Variants in IWS1 observed in about 807,000 individuals in gnomAD.
IWS1 encodes interacts with SUPT6H, CTD assembly factor 1.
IWS1 carries 27 observed loss-of-function variants against 86.7 expected under a neutral mutation model. That is an observed-to-expected ratio of 0.31 (90% CI 0.23 to 0.43). IWS1 has a LOEUF of 0.43. IWS1 is among the 20% of genes least tolerant of loss of function. The probability of loss-of-function intolerance (pLI) is 1.00; values close to 1 mark genes in which losing one functional copy is unlikely to be tolerated. For missense variants in IWS1, 827 were observed against 1,000.8 expected (o/e 0.83, Z 2.34); for synonymous variants, 313 against 335.1 (o/e 0.93, Z 0.72).
intron 2 of IWS1, among the ~76,000 whole-genome samples, chr2:127,508,106 G>C (rs1351191267): frequency 2.0e-5 from 3 of 152,120 alleles, no homozygotes; most frequent in South Asian, 2.1e-4. Context: ...AGTAATAAAG[G>C]CCTTAAGTGG....
At chr2:127,483,586 T>TGGGGGGGGGGG (rs1558736777) in intron 13 of IWS1, among the ~76,000 whole-genome samples, 3 of 17,110 alleles carry the variant, frequency 1.8e-4, no homozygotes, top group East Asian at 2.4e-3. Context: ...CGGGGGGTGG[T>TGGGGGGGGGGG]GGGGTGGGGG....
Position 127,526,486 on chromosome 2 carries a change from G to T in IWS1, c.-278C>A. The T allele has an allele frequency of 6.6e-7, 1 of 1,517,596 alleles. No individual in the cohort carries two copies. Among genetic ancestry groups the T allele is most frequent in the Non-Finnish European group, 8.9e-7 (1 of 1,127,302 alleles). 94.0% of individuals were successfully genotyped at this position (1,517,596 alleles called of 1,614,324 possible). A position where few individuals can be genotyped will look rare whatever the true frequency, so the allele number is the denominator to read the frequency against. On this transcript the variant is annotated 5_prime_UTR_variant, in exon 1 of 14. Coordinates refer to ENST00000295321, the MANE Select transcript of IWS1 (RefSeq NM_017969.3). ...GAAGCACCGCTGGGGCCAAAATGGC[G>T]TCTGCCCACGACCCTCAAAGGAATG...
intron 3 of IWS1, 31 bp from the exon 4 acceptor site, chr2:127,503,607 A>G: frequency 1.3e-6 from 2 of 1,528,794 alleles, no homozygotes; most frequent in Non-Finnish European, 1.8e-6. Flanking sequence ...CATTAATTTT[A>G]TTTTATCACA....
chr2:127,514,800 C>G (rs578007117), intron 2 of IWS1: 1 of 152,280 alleles, frequency 6.6e-6, no homozygotes, highest in African/African-American at 2.4e-5. Flanking sequence ...ATTCACACAC[C>G]CCTTGCCATT....
chr2:127,481,708 T>C (rs1234011344), intron 13 of IWS1, among the ~76,000 whole-genome samples: 1 of 152,184 alleles, frequency 6.6e-6, no homozygotes, highest in Non-Finnish European at 1.5e-5. Context: ...GGTGAATCCC[T>C]GCTCTAATTC....
At chr2:127,508,944 G>A (rs1208522784) in intron 2 of IWS1, among the ~76,000 whole-genome samples, 1 of 152,206 alleles carries the variant, frequency 6.6e-6, no homozygotes. Flanking sequence ...GACACATGGT[G>A]TAGCATTCCA....
At chr2:127,486,384 T>C (rs1429151114) in intron 13 of IWS1, 169 bp downstream of exon 13, 5 of 547,664 alleles carry the variant, frequency 9.1e-6, no homozygotes, top group Admixed American at 6.0e-5. Flanking sequence ...GGTAATACTT[T>C]TCCTTTCTCT....
intron 13 of IWS1, chr2:127,482,226 C>G (rs1252550940): frequency 6.6e-6 from 1 of 152,196 alleles, no homozygotes; most frequent in African/African-American, 2.4e-5. Context: ...GGGGTCAGTA[C>G]CAGCCTGGTG....
intron 12 of IWS1, among the ~76,000 whole-genome samples, chr2:127,486,994 T>C (rs1689964423): frequency 2.0e-5 from 3 of 152,168 alleles, no homozygotes; most frequent in Non-Finnish European, 1.5e-5. Context: ...TGGAATCCCC[T>C]TTTCTCTTGT....
chr2:127,513,234 G>C (rs1456336817), intron 2 of IWS1, among the ~76,000 whole-genome samples: 1 of 151,280 alleles, frequency 6.6e-6, no homozygotes, highest in African/African-American at 2.5e-5. Context: ...GAGTGAGACT[G>C]TGTCTCAAAA....
chr2:127,492,091 G>A lies in IWS1; in HGVS notation c.1930-3C>T, dbSNP rs376918271. ...GTCTCCTGGCTCACACTAGGCAGCT[G>A]GGGAACATAAACACATACACACATA... On this transcript the variant is annotated splice_polypyrimidine_tract_variant and splice_region_variant and intron_variant, in intron 9 of 13. Transcript: ENST00000295321. 6.9e-6 allele frequency: 11 copies of A among 1,600,284 alleles called. No individual in the cohort carries two copies. Among genetic ancestry groups the A allele is most frequent in the Non-Finnish European group, 9.4e-6 (11 of 1,167,586 alleles).
At chr2:127,490,089 G>A (rs1690145109) in intron 10 of IWS1, 146 bp from the exon 11 acceptor site, 1 of 623,582 alleles carries the variant, frequency 1.6e-6, no homozygotes, top group Non-Finnish European at 2.9e-6. Context: ...TAATTTATAG[G>A]ATAAACAAAG....
At chr2:127,504,521 A>T (rs1179745783) in intron 3 of IWS1, among the ~76,000 whole-genome samples, 163 bp downstream of exon 3, 1 of 152,340 alleles carries the variant, frequency 6.6e-6, no homozygotes, top group African/African-American at 2.4e-5. Context: ...TATTAAGCTT[A>T]GCTAATGATA....
chr2:127,519,659 C>G (rs1042184626), intron 2 of IWS1, among the ~76,000 whole-genome samples: 2 of 152,022 alleles, frequency 1.3e-5, no homozygotes, highest in Non-Finnish European at 2.9e-5. Context: ...TCAAAAATGT[C>G]CACGTTCTAA....
At chr2:127,493,066 C>CT (rs1272433478) in intron 9 of IWS1, 1 of 386,590 alleles carries the variant, frequency 2.6e-6, no homozygotes, top group Non-Finnish European at 4.6e-6. Flanking sequence ...TACAGCTACT[C>CT]TAAGATTTTT....
chr2:127,507,997 A>G (rs1053882751), intron 2 of IWS1, among the ~76,000 whole-genome samples: 1 of 152,244 alleles, frequency 6.6e-6, no homozygotes, highest in Non-Finnish European at 1.5e-5. Context: ...CTCACTCTGT[A>G]TAAGTAAATA....
chr2:127,483,598 GTT>G (rs1191565828), intron 13 of IWS1, among the ~76,000 whole-genome samples: 137 of 21,724 alleles, frequency 6.3e-3, no homozygotes, highest in Non-Finnish European at 7.8e-3. Flanking sequence ...GGGTGGGGGG[GTT>G]GGGCTGTGTG....
intron 2 of IWS1, among the ~76,000 whole-genome samples, chr2:127,521,563 A>G (rs1198528718): frequency 6.6e-6 from 1 of 152,226 alleles, no homozygotes; most frequent in Non-Finnish European, 1.5e-5. Flanking sequence ...CCTACCTTAG[A>G]TGTGCTCCAA....
chr2:127,500,224 A>T (rs1224286513), intron 5 of IWS1, among the ~76,000 whole-genome samples: 2 of 152,354 alleles, frequency 1.3e-5, no homozygotes, highest in Middle Eastern at 3.4e-3. Flanking sequence ...AGTGAAAAAG[A>T]AGTAACAAAA....
Sources: allele counts gnomAD v4.1 joint callset (sites outside exome capture counted in the v4.1 genomes callset), GRCh38; gene constraint gnomAD v4.1.1; transcripts MANE v1.5; gene names NCBI Gene and HGNC (gene_info 2026-07-23, HGNC 2026-07-21).